Variants in SIPA1L1 observed in about 807,000 individuals in gnomAD.
The protein encoded by SIPA1L1 is signal-induced proliferation-associated 1-like protein 1.
In SIPA1L1, 26 loss-of-function variants were observed where a neutral mutation model predicts 162.7. That is an observed-to-expected ratio of 0.16 (90% CI 0.12 to 0.22). SIPA1L1 has a LOEUF of 0.22. SIPA1L1 is among the 10% of genes least tolerant of loss of function. The pLI is 1.00. For synonymous variants in SIPA1L1, 829 were observed against 837.4 expected, an observed-to-expected ratio of 0.99 and a Z score of 0.17; for missense variants, 1,874 against 2,241.0, an observed-to-expected ratio of 0.84 and a Z score of 3.31.
intron 4 of SIPA1L1, among the ~76,000 whole-genome samples, chr14:71,537,750 A>T (rs761816522): frequency 2.1e-5 from 3 of 145,304 alleles, no homozygotes; most frequent in Non-Finnish European, 4.5e-5. Flanking sequence ...TAAGTGGAGG[A>T]TGGTAGTAAA....
chr14:71,392,944 G>T (rs950792515), intron 2 of SIPA1L1, among the ~76,000 whole-genome samples: 3 of 152,232 alleles, frequency 2.0e-5, no homozygotes, highest in Non-Finnish European at 4.4e-5. Flanking sequence ...TGGGCATTCA[G>T]TAATTTTTCA....
intron 2 of SIPA1L1, among the ~76,000 whole-genome samples, chr14:71,407,150 G>C (rs1003243903): frequency 2.0e-5 from 3 of 152,204 alleles, no homozygotes; most frequent in Admixed American, 2.0e-4. Flanking sequence ...GGCTGAGGCA[G>C]TAGAATTGCT....
At chr14:71,442,834 G>A (rs996118156) in intron 2 of SIPA1L1, among the ~76,000 whole-genome samples, 8 of 152,166 alleles carry the variant, frequency 5.3e-5, no homozygotes, top group African/African-American at 1.7e-4. Context: ...CACTTGGGAG[G>A]CTGAGATGGG....
chr14:71,403,969 A>C (rs911188277), intron 2 of SIPA1L1, among the ~76,000 whole-genome samples: 2 of 151,846 alleles, frequency 1.3e-5, no homozygotes, highest in African/African-American at 4.8e-5. Context: ...TTGACTGCAC[A>C]CACACACACA....
chr14:71,342,141 CTGT>C (rs2035723797), intron 2 of SIPA1L1, among the ~76,000 whole-genome samples: 1 of 151,948 alleles, frequency 6.6e-6, no homozygotes, highest in African/African-American at 2.4e-5. Context: ...GTAGCTAGAA[CTGT>C]TGTTGTGCCC....
chr14:71,409,244 T>G (rs372657466), intron 2 of SIPA1L1, among the ~76,000 whole-genome samples: 1 of 151,128 alleles, frequency 6.6e-6, no homozygotes, highest in East Asian at 2.0e-4. Flanking sequence ...TGTAGAACTC[T>G]TGGCTCTCCA....
intron 5 of SIPA1L1, among the ~76,000 whole-genome samples, chr14:71,597,591 T>G (rs1212016337): frequency 6.6e-6 from 1 of 152,128 alleles, no homozygotes; most frequent in Non-Finnish European, 1.5e-5. Flanking sequence ...GGTGTCCCTG[T>G]GGAGTAAAGG....
intron 2 of SIPA1L1, among the ~76,000 whole-genome samples, chr14:71,367,473 A>AT (rs1026039938): frequency 1.1e-4 from 16 of 142,926 alleles, no homozygotes; most frequent in African/African-American, 2.4e-4. Flanking sequence ...CGCCCGGCTA[A>AT]TTTTTTTGTA....
intron 4 of SIPA1L1, among the ~76,000 whole-genome samples, chr14:71,585,455 T>C (rs2034468375): frequency 6.6e-6 from 1 of 152,208 alleles, no homozygotes; most frequent in Non-Finnish European, 1.5e-5. Context: ...ATTGGAAGTA[T>C]ATGAGATGGT....
rs370786572 is a variant in SIPA1L1 at position 71,547,924 on chromosome 14, G to C, written c.-303+18554G>C. On this transcript the variant is annotated intron_variant, in intron 4 of 23. Transcript: ENST00000381232. Reference sequence around the variant, plus strand: ...TGAGCGCGGGTGGCACACGACAGTAGTCCCAACTACTTGGGAGGCTGAGGC... The same window carrying C: ...TGAGCGCGGGTGGCACACGACAGTACTCCCAACTACTTGGGAGGCTGAGGC... Among the ~76,000 whole-genome samples, 28 of 152,292 alleles carry C rather than the reference G, an allele frequency of 1.8e-4. No homozygotes were observed. In the South Asian group the frequency reaches 2.5e-3, roughly 14 times the overall value.
intron 3 of SIPA1L1, among the ~76,000 whole-genome samples, chr14:71,527,446 A>G (rs539947061): frequency 2.6e-5 from 4 of 152,004 alleles, no homozygotes; most frequent in Admixed American, 2.6e-4. Flanking sequence ...GGCTCAAGCA[A>G]TCCTCCTGCT....
intron 18 of SIPA1L1, 139 bp downstream of exon 18, chr14:71,724,025 T>G: frequency 1.1e-6 from 1 of 878,690 alleles, no homozygotes; most frequent in Non-Finnish European, 1.7e-6. Context: ...GGATTATGAT[T>G]TTTTTTCCTA....
At chr14:71,738,367 A>T in intron 23 of SIPA1L1, 42 bp downstream of exon 23, 1 of 1,371,696 alleles carries the variant, frequency 7.3e-7, no homozygotes, top group Non-Finnish European at 1.0e-6. Context: ...GTCTGTACAA[A>T]CTACCCTTGA....
chr14:71,424,166 C>T (rs2043392427), intron 2 of SIPA1L1, among the ~76,000 whole-genome samples: 1 of 152,054 alleles, frequency 6.6e-6, no homozygotes, highest in African/African-American at 2.4e-5. Context: ...TTAGTTCTAA[C>T]AGTTTTTTGT....
chr14:71,711,481 G>A (rs1566714123), intron 17 of SIPA1L1, among the ~76,000 whole-genome samples: 1 of 152,336 alleles, frequency 6.6e-6, no homozygotes, highest in East Asian at 1.9e-4. Flanking sequence ...CATTTTGAAA[G>A]GAGGATGCCT....
chr14:71,590,560 C>T lies in SIPA1L1; in HGVS notation c.1498+1190C>T, dbSNP rs555426368. Among the ~76,000 whole-genome samples the T allele has an allele frequency of 2.6e-5, 4 of 152,240 alleles. No individual in the cohort carries two copies. In the East Asian group the frequency reaches 7.7e-4, roughly 29 times the overall value. ...CTTAATATTACTACATGATAGGTCC[C>T]ATTCCAGAAGGCTTGTTGACGGAAA... On this transcript the variant is annotated intron_variant, in intron 5 of 23. Coordinates refer to ENST00000381232, the MANE Select transcript of SIPA1L1 (RefSeq NM_001386936.1).
At chr14:71,607,248 A>G (rs2037636540) in intron 5 of SIPA1L1, among the ~76,000 whole-genome samples, 1 of 151,090 alleles carries the variant, frequency 6.6e-6, no homozygotes, top group East Asian at 1.9e-4. Flanking sequence ...TGCCCAGGTA[A>G]TTTCCAGGGA....
At chr14:71,434,859 G>A (rs2044256417) in intron 2 of SIPA1L1, among the ~76,000 whole-genome samples, 1 of 152,160 alleles carries the variant, frequency 6.6e-6, no homozygotes, top group Admixed American at 6.5e-5. Flanking sequence ...GGGATTACAG[G>A]TATGAGCCAC....
intron 2 of SIPA1L1, among the ~76,000 whole-genome samples, chr14:71,394,280 C>T (rs761848218): frequency 7.2e-5 from 11 of 152,192 alleles, no homozygotes; most frequent in Non-Finnish European, 1.2e-4. Context: ...GTTTAAATTT[C>T]TCCATTCACC....
Sources: allele counts gnomAD v4.1 joint callset (sites outside exome capture counted in the v4.1 genomes callset), GRCh38; gene constraint gnomAD v4.1.1; transcripts MANE v1.5; gene names NCBI Gene and HGNC (gene_info 2026-07-23, HGNC 2026-07-21).